FGFR3: variants seen among roughly 807,000 people sequenced by gnomAD.
FGFR3 encodes fibroblast growth factor receptor 3, also known as FGFR-3.
Under a neutral mutation model 82.9 loss-of-function variants are expected in FGFR3, and 25 were observed. That is an observed-to-expected ratio of 0.30 (90% confidence interval 0.22 to 0.42). The LOEUF is 0.42. Among genes scored for constraint, FGFR3 ranks in the 10% least tolerant of loss-of-function variants. The probability of loss-of-function intolerance (pLI) is 1.00; values close to 1 mark genes in which losing one functional copy is unlikely to be tolerated. For missense variants in FGFR3, 1,026 were observed against 1,161.0 expected, an observed-to-expected ratio of 0.88 and a Z score of 1.69; for synonymous variants, 620 against 516.0, an observed-to-expected ratio of 1.20 and a Z score of -2.73.
intron 2 of FGFR3, among the ~76,000 whole-genome samples, chr4:1,795,372 A>G (rs1720368917): frequency 2.0e-5 from 3 of 150,450 alleles, no homozygotes; most frequent in Admixed American, 6.6e-5. Context: ...CCTCTCCTGG[A>G]CCCCCTGCGG....
intron 2 of FGFR3, among the ~76,000 whole-genome samples, chr4:1,797,887 C>T (rs920600492): frequency 7.2e-5 from 11 of 152,176 alleles, no homozygotes; most frequent in South Asian, 2.1e-4. Context: ...AGGGCCTGGC[C>T]GGGCAGCCAG....
rs1265071206 is a variant in FGFR3, at chr4:1,807,743, C to T, written c.*481C>T. 9 of 589,652 alleles carry T rather than the reference C, an allele frequency of 1.5e-5. No individual in the cohort carries two copies. The highest frequency in any genetic ancestry group is 2.8e-4 in the Middle Eastern group (1 of 3,602). The allele number at this position is 589,652 out of a possible 1,614,324, so 36.5% of individuals were successfully genotyped here. A position where few individuals can be genotyped will look rare whatever the true frequency, so the allele number is the denominator to read the frequency against. ...CTTGTGCCTGGGGTGTTAGTGGCAC[C>T]GCCTCCCCACCTCCAGGCTTTCCCA... On this transcript the variant is annotated 3_prime_UTR_variant, in exon 18 of 18. Transcript: ENST00000440486.
Position 1,803,742 on chromosome 4 carries a change from C to A in FGFR3, c.981C>A (p.His327Gln). The change falls in exon 8 of 18, where the codon CAC becomes CAA. Residue 327 changes from histidine (H) to glutamine (Q), a missense_variant. Coordinates refer to ENST00000440486, the MANE Select transcript of FGFR3 (RefSeq NM_000142.5). ...AGGAGCTAGAGGTTCTCTCCTTGCACAACGTCACCTTTGAGGACGCCGGGG... is the reference window on the plus strand; with the variant it reads ...AGGAGCTAGAGGTTCTCTCCTTGCAAAACGTCACCTTTGAGGACGCCGGGG... Reference protein sequence around the residue: ...TDKELEVLSLHNVTFEDAGEY... With the variant: ...TDKELEVLSLQNVTFEDAGEY... The A allele has an allele frequency of 6.2e-7, 1 of 1,614,094 alleles. No individual in the cohort carries two copies. Among genetic ancestry groups the A allele is most frequent in the Non-Finnish European group, 8.5e-7 (1 of 1,180,036 alleles).
At chr4:1,800,198 C>T (rs1016914872) in intron 4 of FGFR3, among the ~76,000 whole-genome samples, 6 of 144,758 alleles carry the variant, frequency 4.1e-5, no homozygotes, top group East Asian at 4.7e-4. Context: ...TGGATGGACC[C>T]GGGGTGAGGG....
rs1433271697 is a variant in FGFR3, at chr4:1,807,422, C to T, written c.*160C>T. 1.9e-6 allele frequency: 2 copies of T among 1,061,238 alleles called. No homozygotes were observed. Among genetic ancestry groups the T allele is most frequent in the African/African-American group, 1.6e-5 (1 of 63,766 alleles). The allele number at this position is 1,061,238 out of a possible 1,614,324, so 65.7% of individuals were successfully genotyped here. ...GTGCGTGTGTGTGTGTGTGTGTGCA[C>T]ATCCGCGTGTGCCTGTGTGCGTGCG... On this transcript the variant is annotated 3_prime_UTR_variant, in exon 18 of 18. Transcript: ENST00000440486.
intron 2 of FGFR3, among the ~76,000 whole-genome samples, chr4:1,796,392 T>C (rs3135849): frequency 0.015 from 2,229 of 152,266 alleles, 25 homozygotes; most frequent in Middle Eastern, 0.034. Flanking sequence ...GCTGGACTTT[T>C]GGGGGCCCCC....
chr4:1,799,842 C>T, intron 4 of FGFR3, 30 bp downstream of exon 4: 1 of 1,609,440 alleles, frequency 6.2e-7, no homozygotes, highest in Non-Finnish European at 8.5e-7. Context: ...TTCAGGCCAG[C>T]CGGGGTGGGG....
At chr4:1,800,203 T>G (rs1434380688) in intron 4 of FGFR3, among the ~76,000 whole-genome samples, 1 of 149,180 alleles carries the variant, frequency 6.7e-6, no homozygotes. Context: ...GGACCCGGGG[T>G]GAGGGCGCCG....
At chr4:1,794,395 C>A (rs1720216438) in intron 2 of FGFR3, among the ~76,000 whole-genome samples, 1 of 152,196 alleles carries the variant, frequency 6.6e-6, no homozygotes, top group Non-Finnish European at 1.5e-5. Flanking sequence ...TCTGCGCAGA[C>A]GGAAAGTTCC....
chr4:1,804,648 T>C, intron 9 of FGFR3, 128 bp downstream of exon 9: 1 of 1,442,754 alleles, frequency 6.9e-7, no homozygotes, highest in African/African-American at 1.4e-5. Context: ...CCTCTCCTCG[T>C]CTCTGCTCAC....
chr4:1,804,808 C>G lies in FGFR3; in HGVS notation c.1267-16C>G. On this transcript the variant is annotated splice_polypyrimidine_tract_variant and intron_variant, in intron 9 of 17. Coordinates refer to ENST00000440486, the MANE Select transcript of FGFR3 (RefSeq NM_000142.5). Reference sequence around the variant, plus strand: ...TCGCCCACGCGGCGCCAACCTGCCCCTGCTGACCCAAGCAGGTGTCCCTGG... The same window carrying G: ...TCGCCCACGCGGCGCCAACCTGCCCGTGCTGACCCAAGCAGGTGTCCCTGG... The G allele has an allele frequency of 6.5e-7, 1 of 1,549,422 alleles. No homozygotes were observed. The highest frequency in any genetic ancestry group is 8.7e-7 in the Non-Finnish European group (1 of 1,146,932).
chr4:1,794,583 C>T (rs3135838), intron 2 of FGFR3, among the ~76,000 whole-genome samples: 16,136 of 152,150 alleles, frequency 0.11, 2,245 homozygotes, highest in African/African-American at 0.32. Flanking sequence ...GGGCCGAGGG[C>T]GCTTCCCCGT....
intron 2 of FGFR3, among the ~76,000 whole-genome samples, chr4:1,795,935 T>G (rs1306542239): frequency 6.6e-6 from 1 of 152,172 alleles, no homozygotes; most frequent in Non-Finnish European, 1.5e-5. Flanking sequence ...CAGGTCCTTG[T>G]GTGAGCCTAG....
chr4:1,801,301 G>C, intron 4 of FGFR3, 66 bp from the exon 5 acceptor site: 1 of 1,506,814 alleles, frequency 6.6e-7, no homozygotes, highest in South Asian at 1.2e-5. Context: ...CTCTGGGAAG[G>C]GGGTTGTTCA....
chr4:1,798,046 G>T (rs1720724104), intron 2 of FGFR3, among the ~76,000 whole-genome samples: 1 of 151,490 alleles, frequency 6.6e-6, no homozygotes, highest in East Asian at 2.0e-4. Context: ...CCCAAGCCCG[G>T]GACGCCTGCC....
At chr4:1,794,355 T>G (rs1273733944) in intron 2 of FGFR3, among the ~76,000 whole-genome samples, 2 of 152,010 alleles carry the variant, frequency 1.3e-5, no homozygotes, top group Admixed American at 6.5e-5. Context: ...GGGGCCCCAT[T>G]TCCACGATTC....
At chr4:1,802,888 C>T in intron 7 of FGFR3, 2 of 1,571,778 alleles carry the variant, frequency 1.3e-6, no homozygotes, top group Non-Finnish European at 1.7e-6. Context: ...GGGGGCGTGC[C>T]TGAGCCGGGT....
intron 2 of FGFR3, among the ~76,000 whole-genome samples, chr4:1,796,058 T>G (rs1720474347): frequency 6.6e-6 from 1 of 152,158 alleles, no homozygotes; most frequent in Non-Finnish European, 1.5e-5. Flanking sequence ...GCCCAGGGGC[T>G]TGGGGTCTCC....
chr4:1,796,965 T>C (rs1720587208), intron 2 of FGFR3, among the ~76,000 whole-genome samples: 1 of 152,100 alleles, frequency 6.6e-6, no homozygotes, highest in South Asian at 2.1e-4. Flanking sequence ...GTCGTTGGCA[T>C]GTGGAGCCCA....
Sources: allele counts gnomAD v4.1 joint callset (sites outside exome capture counted in the v4.1 genomes callset), GRCh38; gene constraint gnomAD v4.1.1; transcripts MANE v1.5; gene names NCBI Gene and HGNC (gene_info 2026-07-23, HGNC 2026-07-21).